The following RBFOX2 variants were observed in gnomAD, a reference collection of about 807,000 sequenced individuals.
The protein encoded by RBFOX2 is RNA binding protein fox-1 homolog 2.
Under a neutral mutation model 49.1 loss-of-function variants are expected in RBFOX2, and 10 were observed. That is an observed-to-expected ratio of 0.20 (90% confidence interval 0.13 to 0.35). The LOEUF (loss-of-function observed/expected upper bound fraction) is 0.35. Among genes scored for constraint, RBFOX2 ranks in the 10% least tolerant of loss-of-function variants. RBFOX2 has a pLI of 1.00. For synonymous variants in RBFOX2, 183 were observed against 187.4 expected, an observed-to-expected ratio of 0.98 and a Z score of 0.19; for missense variants, 323 against 486.9, an observed-to-expected ratio of 0.66 and a Z score of 3.17.
At chr22:35,790,561 T>C (rs1602878214) in intron 2 of RBFOX2, among the ~76,000 whole-genome samples, 1 of 152,174 alleles carries the variant, frequency 6.6e-6, no homozygotes, top group South Asian at 2.1e-4. Context: ...AAGGCCTATA[T>C]TTTACCTAAT....
chr22:35,874,397 T>C (rs1332524241), intron 1 of RBFOX2, among the ~76,000 whole-genome samples: 1 of 152,068 alleles, frequency 6.6e-6, no homozygotes, highest in Non-Finnish European at 1.5e-5. Context: ...AACTTACAAG[T>C]TGTCAAAAAC....
At chr22:35,746,377 G>T in intron 10 of RBFOX2, 96 bp downstream of exon 12, 1 of 1,133,678 alleles carries the variant, frequency 8.8e-7, no homozygotes, top group South Asian at 1.5e-5. Context: ...TGTGCTAAGA[G>T]CTGCTGTGGA....
chr22:35,766,900 G>T (rs1941139541), intron 5 of RBFOX2, among the ~76,000 whole-genome samples: 1 of 152,060 alleles, frequency 6.6e-6, no homozygotes, highest in South Asian at 2.1e-4. Context: ...GGAAGAATAG[G>T]GAAAGGGACA....
chr22:35,793,363 A>T (rs1274827309), intron 2 of RBFOX2, among the ~76,000 whole-genome samples: 2 of 152,216 alleles, frequency 1.3e-5, no homozygotes, highest in Admixed American at 1.3e-4. Context: ...ACAAGAATGA[A>T]ACTCTGTCTC....
chr22:36,028,602 T>G (rs1466980643), exon 1 of RBFOX2, among the ~76,000 whole-genome samples: 2 of 148,440 alleles, frequency 1.3e-5, no homozygotes, highest in Middle Eastern at 3.4e-3. Flanking sequence ...CCGCCGCTCC[T>G]TGCCTGACCG....
chr22:35,767,300 CTTTCT>C (rs1157104767), intron 5 of RBFOX2, among the ~76,000 whole-genome samples: 1 of 152,114 alleles, frequency 6.6e-6, no homozygotes, highest in Non-Finnish European at 1.5e-5. Context: ...TGGACTTTTT[CTTTCT>C]TATTTAATTG....
intron 7 of RBFOX2, 52 bp downstream of exon 8, chr22:35,761,363 A>C (rs1938783218): frequency 1.2e-6 from 2 of 1,610,148 alleles, no homozygotes; most frequent in Non-Finnish European, 1.7e-6. Context: ...GAAAAACAGC[A>C]GATGCTATTA....
intron 1 of RBFOX2, among the ~76,000 whole-genome samples, chr22:36,020,044 C>G (rs2059182728): frequency 6.6e-6 from 1 of 152,126 alleles, no homozygotes; most frequent in African/African-American, 2.4e-5. Flanking sequence ...GGTACCAAGA[C>G]AGAGATATAG....
At chr22:35,781,542 C>T in intron 3 of RBFOX2, 58 bp downstream of exon 4, 1 of 1,572,880 alleles carries the variant, frequency 6.4e-7, no homozygotes, top group Admixed American at 1.8e-5. Flanking sequence ...AATAACACAT[C>T]TGGGGGATTA....
rs191455913 is a variant in RBFOX2, at chr22:35,764,444, T to C, written c.607+979A>G. On this transcript the variant is annotated intron_variant, in intron 6 of 11. Transcript: ENST00000405409. ...CTAAAAATACAAAAAATTAGCCAGG[T>C]GTGGTGGCGGGCGCCTGTAGTCCCA... Among the ~76,000 whole-genome samples the C allele has an allele frequency of 7.5e-3, 1,143 of 151,690 alleles. 4 individuals are homozygous for C. Among genetic ancestry groups the C allele is most frequent in the Non-Finnish European group, 0.012 (809 of 67,864 alleles).
At chr22:35,774,988 C>T (rs548846177) in intron 4 of RBFOX2, among the ~76,000 whole-genome samples, 2 of 152,124 alleles carry the variant, frequency 1.3e-5, no homozygotes, top group South Asian at 4.1e-4. Flanking sequence ...TACAGAAAAG[C>T]ACTCTGTTTA....
chr22:35,825,857 C>T (rs8140487), intron 1 of RBFOX2, among the ~76,000 whole-genome samples: 52,209 of 151,176 alleles, frequency 0.35, 10,340 homozygotes, highest in African/African-American at 0.54. Flanking sequence ...GGCAGGTGCC[C>T]GTAATCCCAG....
chr22:35,749,508 T>TAC lies in RBFOX2; in HGVS notation c.888-2949_888-2948dup, dbSNP rs901146906. On this transcript the variant is annotated intron_variant, in intron 9 of 11. Coordinates refer to ENST00000405409, the Ensembl canonical transcript of RBFOX2. This position sits in a 1 kb window ranked among gnomAD's most constrained non-coding sequence, Gnocchi z 4.1. Reference sequence around the variant, plus strand: ...TGGATGTATTCCTCTCTCTCTCTCTTACACACACACACGCACACACACACA... The same window carrying TAC: ...TGGATGTATTCCTCTCTCTCTCTCTTACACACACACACACGCACACACACACA... 4.5e-4 allele frequency among the ~76,000 whole-genome samples: 69 copies of TAC among 151,760 alleles called. No individual in the cohort carries two copies. The East Asian group carries it at 0.011, about 25-fold the overall frequency.
intron 1 of RBFOX2, chr22:35,992,635 T>C (rs1053112231): frequency 4.6e-5 from 7 of 152,218 alleles, no homozygotes; most frequent in Admixed American, 3.9e-4. Flanking sequence ...AGTTTCCTTA[T>C]AAAAAAGCTC....
At chr22:35,926,289 A>C (rs1485550615) in intron 1 of RBFOX2, among the ~76,000 whole-genome samples, 1 of 152,222 alleles carries the variant, frequency 6.6e-6, no homozygotes, top group African/African-American at 2.4e-5. Context: ...GAATATCCCT[A>C]CTAACTACTT....
chr22:35,839,392 G>A (rs887944360), intron 1 of RBFOX2, among the ~76,000 whole-genome samples: 3 of 151,746 alleles, frequency 2.0e-5, no homozygotes, highest in Non-Finnish European at 4.4e-5. Context: ...GAGAAAGAGG[G>A]GAAAAGGATG....
chr22:36,026,962 G>A (rs1347564587), intron 1 of RBFOX2, among the ~76,000 whole-genome samples: 1 of 152,174 alleles, frequency 6.6e-6, no homozygotes, highest in African/African-American at 2.4e-5. Flanking sequence ...AGATTTCCAA[G>A]AGTGGTGTAA....
chr22:35,808,899 T>C (rs1476718965), intron 2 of RBFOX2, among the ~76,000 whole-genome samples: 1 of 152,138 alleles, frequency 6.6e-6, no homozygotes, highest in East Asian at 1.9e-4. Context: ...ATTATTAATT[T>C]ATGACATTTC....
chr22:35,801,447 ACTCTCT>A (rs533761207), intron 2 of RBFOX2, among the ~76,000 whole-genome samples: 2 of 117,798 alleles, frequency 1.7e-5, no homozygotes, highest in South Asian at 2.4e-4. Context: ...ACACACACAC[ACTCTCT>A]CTCTCTCTCT....
Sources: gnomAD v4.1 joint callset for allele counts (sites outside exome capture counted in the v4.1 genomes callset) on GRCh38, gnomAD v4.1.1 for gene constraint, Gnocchi (gnomAD v3.1) non-coding constraint, MANE v1.5 for transcripts, NCBI Gene and HGNC (gene_info 2026-07-23, HGNC 2026-07-21) for gene names.